Variants in PHLDB2 observed in about 807,000 individuals in gnomAD.
PHLDB2 encodes pleckstrin homology like domain family B member 2.
PHLDB2 carries 71 observed loss-of-function variants against 123.6 expected under a neutral mutation model. The observed-to-expected ratio is 0.57, with a 90% CI of 0.47 to 0.70. PHLDB2 has a LOEUF of 0.70. Ranked by LOEUF, PHLDB2 falls within the 30% of genes least tolerant of loss-of-function variation. The pLI is 0.00. For synonymous variants in PHLDB2, 547 were observed against 541.6 expected (o/e 1.01, Z -0.14); for missense variants, 1,446 against 1,519.5 (o/e 0.95, Z 0.80).
At chr3:111,835,776 C>A (rs1043696938) in intron 1 of PHLDB2, among the ~76,000 whole-genome samples, 2 of 152,186 alleles carry the variant, frequency 1.3e-5, no homozygotes, top group East Asian at 1.9e-4. Context: ...GAGCTGTCAC[C>A]AGGAACACCT....
Position 111,884,602 on chromosome 3 carries a change from G to A in PHLDB2, c.525G>A (p.Ser175=), listed in dbSNP as rs376563651. Residue 175 remains serine (S), a synonymous_variant, in exon 2 of 18, where the codon TCG becomes TCA. Transcript: ENST00000431670. ...GGLEGRKASG[S]LLAMWNGSSL... ...TGGAAGGTCGGAAGGCATCTGGCTC[G>A]CTCCTGGCCATGTGGAATGGAAGTT... 2.0e-5 allele frequency: 32 copies of A among 1,613,960 alleles called. No individual in the cohort carries two copies. Among genetic ancestry groups the A allele is most frequent in the South Asian group, 1.6e-4 (15 of 91,066 alleles).
chr3:111,941,368 C>A (rs1046339007), intron 8 of PHLDB2, among the ~76,000 whole-genome samples: 15 of 152,180 alleles, frequency 9.9e-5, no homozygotes, highest in African/African-American at 3.4e-4. Flanking sequence ...TATGCCACTG[C>A]ATTAGCAATA....
intron 1 of PHLDB2, among the ~76,000 whole-genome samples, chr3:111,782,307 G>A (rs546038202): frequency 2.0e-5 from 3 of 152,100 alleles, no homozygotes; most frequent in Non-Finnish European, 4.4e-5. Flanking sequence ...AGGACATTAC[G>A]TTCCTGGCAA....
chr3:111,937,158 G>A (rs915415240), intron 6 of PHLDB2, among the ~76,000 whole-genome samples: 3 of 152,190 alleles, frequency 2.0e-5, no homozygotes, highest in African/African-American at 7.2e-5. Flanking sequence ...GTGTTGACAT[G>A]ATAGTCTTGT....
At chr3:111,961,930 C>G (rs994696276) in intron 12 of PHLDB2, 178 bp from the exon 13 acceptor site, 6 of 613,334 alleles carry the variant, frequency 9.8e-6, no homozygotes, top group Admixed American at 7.0e-5. Context: ...TTCATTCAAA[C>G]TGTTGCTTGC....
intron 1 of PHLDB2, among the ~76,000 whole-genome samples, chr3:111,824,937 A>C (rs752123214): frequency 1.1e-4 from 17 of 152,186 alleles, no homozygotes; most frequent in Admixed American, 1.0e-3. Context: ...ATTGTTCCTT[A>C]TATATCCACT....
intron 1 of PHLDB2, among the ~76,000 whole-genome samples, chr3:111,820,313 A>C (rs963053325): frequency 1.3e-5 from 2 of 152,228 alleles, no homozygotes; most frequent in Non-Finnish European, 2.9e-5. Context: ...ATGGTTAAAG[A>C]AATGTTTTTT....
chr3:111,756,952 T>G (rs1407577816), intron 1 of PHLDB2, among the ~76,000 whole-genome samples: 1 of 152,198 alleles, frequency 6.6e-6, no homozygotes, highest in Non-Finnish European at 1.5e-5. Flanking sequence ...AAAATTCTTT[T>G]CTTTAAGAAT....
At chr3:111,925,427 A>C (rs187120065) in intron 5 of PHLDB2, among the ~76,000 whole-genome samples, 2 of 152,150 alleles carry the variant, frequency 1.3e-5, no homozygotes, top group African/African-American at 4.8e-5. Flanking sequence ...CTTGAGATAC[A>C]TGCCACCTGC....
rs559683817 is a variant in PHLDB2 at position 111,762,608 on chromosome 3, G to A, written c.-49+29905G>A. The stretch of plus-strand genomic sequence containing the variant: ...CCCTCCCAAGAACCTGGCCACACTC[G>A]TCAGGATTAAAGGAGGAGGTATTAT... On this transcript the variant is annotated intron_variant, in intron 1 of 17. Coordinates refer to the PHLDB2 transcript ENST00000393923. Among the ~76,000 whole-genome samples the A allele has an allele frequency of 2.6e-5, 4 of 152,200 alleles. No homozygotes were observed. In the East Asian group the frequency reaches 5.8e-4, roughly 22 times the overall value.
At position 111,954,047 on chromosome 3, in the gene PHLDB2, C is replaced by G. The variant is rs754686228; in HGVS notation, c.2872+18C>G. On this transcript the variant is annotated intron_variant, in intron 12 of 17. Coordinates refer to ENST00000431670, the MANE Select transcript of PHLDB2 (RefSeq NM_001134438.2). ...GCTCAGAGGTACGTACCTTTTAAATCAAGTGTCATGGCCTTTTGTTAAGCA... is the reference window on the plus strand; with the variant it reads ...GCTCAGAGGTACGTACCTTTTAAATGAAGTGTCATGGCCTTTTGTTAAGCA... 4 of 1,600,536 alleles carry G rather than the reference C, an allele frequency of 2.5e-6. No homozygotes were observed. Among genetic ancestry groups the G allele is most frequent in the Admixed American group, 1.7e-5 (1 of 59,750 alleles).
chr3:111,909,248 A>T (rs1199761129), intron 2 of PHLDB2, among the ~76,000 whole-genome samples: 1 of 152,098 alleles, frequency 6.6e-6, no homozygotes, highest in Non-Finnish European at 1.5e-5. Context: ...GTGGTCTATA[A>T]ACTTCTGTTA....
chr3:111,827,894 A>G (rs1322230894), intron 1 of PHLDB2, among the ~76,000 whole-genome samples: 1 of 152,162 alleles, frequency 6.6e-6, no homozygotes, highest in African/African-American at 2.4e-5. Context: ...AATGAAAACA[A>G]TGAAAAGATA....
chr3:111,845,709 TC>T (rs2063952435), intron 1 of PHLDB2: 5 of 1,235,796 alleles, frequency 4.0e-6, no homozygotes, highest in Non-Finnish European at 1.1e-6. Context: ...GTAGTTAGTT[TC>T]CCCGGATGTT....
At chr3:111,732,774 C>T in intron 1 of PHLDB2, 18 of 1,326,248 alleles carry the variant, frequency 1.4e-5, no homozygotes, top group Non-Finnish European at 1.7e-5. Context: ...AGCCTCGTCA[C>T]CAGAGTGTTT....
At chr3:111,868,962 A>G (rs765913960) in intron 1 of PHLDB2, among the ~76,000 whole-genome samples, 1 of 152,210 alleles carries the variant, frequency 6.6e-6, no homozygotes, top group Non-Finnish European at 1.5e-5. Flanking sequence ...AAAACTTTTT[A>G]AAAAATCCCT....
intron 12 of PHLDB2, among the ~76,000 whole-genome samples, chr3:111,959,147 T>G (rs2071233750): frequency 6.6e-6 from 1 of 152,268 alleles, no homozygotes; most frequent in African/African-American, 2.4e-5. Context: ...ACGTTTCCTC[T>G]GTTTAAAATA....
Position 111,841,156 on chromosome 3 carries a change from A to G in PHLDB2, c.-48-4665A>G, listed in dbSNP as rs528045447. On this transcript the variant is annotated intron_variant, in intron 1 of 17. Coordinates refer to the PHLDB2 transcript ENST00000393923. Reference sequence around the variant, plus strand: ...ACTCTGTCGCCCAGGCTGGAGTGCAATGGCGTGATCTTGGCTCACTGCAAC... The same window carrying G: ...ACTCTGTCGCCCAGGCTGGAGTGCAGTGGCGTGATCTTGGCTCACTGCAAC... Among the ~76,000 whole-genome samples, 7 of 152,174 alleles carry G rather than the reference A, an allele frequency of 4.6e-5. No individual in the cohort carries two copies. In the East Asian group the frequency reaches 1.4e-3, roughly 30 times the overall value.
chr3:111,966,453 C>T (rs2071762198), intron 13 of PHLDB2, among the ~76,000 whole-genome samples, 160 bp from the exon 14 acceptor site: 2 of 151,984 alleles, frequency 1.3e-5, no homozygotes, highest in South Asian at 4.2e-4. Context: ...AAGTAACATT[C>T]TTTAAATTAT....
Sources: allele counts gnomAD v4.1 joint callset (sites outside exome capture counted in the v4.1 genomes callset), GRCh38; gene constraint gnomAD v4.1.1; transcripts MANE v1.5; gene names NCBI Gene and HGNC (gene_info 2026-07-23, HGNC 2026-07-21).